CEP43: variants seen among roughly 807,000 people sequenced by gnomAD.
The protein encoded by CEP43 is FGFR1 oncogene partner.
Under a neutral mutation model 52.6 loss-of-function variants are expected in CEP43, and 36 were observed. That is an observed-to-expected ratio of 0.68 (90% confidence interval 0.52 to 0.90). The LOEUF is 0.90. CEP43 is among the 40% of genes least tolerant of loss of function. The pLI is 0.00. For synonymous variants in CEP43, 192 were observed against 172.4 expected (o/e 1.11, Z -0.89); for missense variants, 506 against 472.8 (o/e 1.07, Z -0.65).
Position 167,049,660 on chromosome 6 carries a change from G to C in CEP43, c.*9682G>C, listed in dbSNP as rs1297574068. The stretch of plus-strand genomic sequence containing the variant: ...ACTTTTTCTGCTGTTGTGAATAACA[G>C]TGCTAAGCACATTCATATGCAGTGT... On this transcript the variant is annotated 3_prime_UTR_variant, in exon 13 of 13. Transcript: ENST00000366847. 1 of 152,228 alleles carries C rather than the reference G, an allele frequency of 6.6e-6. No individual in the cohort carries two copies. The highest frequency in any genetic ancestry group is 1.9e-4 in the East Asian group (1 of 5,200). The allele number at this position is 152,228 out of a possible 1,614,324, so 9.4% of individuals were successfully genotyped here.
At chr6:167,001,428 C>T (rs1028875649) in intron 2 of CEP43, among the ~76,000 whole-genome samples, 1 of 151,998 alleles carries the variant, frequency 6.6e-6, no homozygotes, top group Non-Finnish European at 1.5e-5. Flanking sequence ...TTTTTTCCTT[C>T]ACAACCTGGT....
rs115266379 is a variant in CEP43, at chr6:167,018,774, C to T, written c.580-3635C>T. Among the ~76,000 whole-genome samples the T allele has an allele frequency of 7.4e-3, 1,125 of 152,188 alleles. 12 individuals are homozygous for T. The highest frequency in any genetic ancestry group is 0.025 in the African/African-American group (1,053 of 41,496). ...CTTCATTTTGAATCTTCAACTTAGC[C>T]AAATCCAGGTGATACAAAACCCAAG... is the stretch of plus-strand genomic sequence containing the variant. On this transcript the variant is annotated intron_variant, in intron 7 of 12. Coordinates refer to ENST00000366847, the MANE Select transcript of CEP43 (RefSeq NM_007045.4).
Position 167,041,954 on chromosome 6 carries a change from G to C in CEP43, c.*1976G>C, listed in dbSNP as rs1780708007. 2.3e-6 allele frequency: 1 copy of C among 438,426 alleles called. No homozygotes were observed. The highest frequency in any genetic ancestry group is 3.1e-6 in the Non-Finnish European group (1 of 325,446). The allele number at this position is 438,426 out of a possible 1,614,324, so 27.2% of individuals were successfully genotyped here. A position where few individuals can be genotyped will look rare whatever the true frequency, so the allele number is the denominator to read the frequency against. Reference sequence around the variant, plus strand: ...TTCTCCTGCTTCAGCCTCCTGAGTAGCTGGGATTACAGGTGCACACCACCA... The same window carrying C: ...TTCTCCTGCTTCAGCCTCCTGAGTACCTGGGATTACAGGTGCACACCACCA... On this transcript the variant is annotated 3_prime_UTR_variant, in exon 13 of 13. Transcript: ENST00000366847.
chr6:167,019,674 G>A (rs140540445), intron 7 of CEP43, among the ~76,000 whole-genome samples: 219 of 152,276 alleles, frequency 1.4e-3, no homozygotes, highest in African/African-American at 5.2e-3. Flanking sequence ...AGTATGTGTT[G>A]TGTAATATAG....
Position 167,027,771 on chromosome 6 carries a change from A to G in CEP43, c.988+1156A>G, listed in dbSNP as rs1006851301. 2.9e-5 allele frequency: 17 copies of G among 591,120 alleles called. No individual in the cohort carries two copies. In the African/African-American group the frequency reaches 3.4e-4, roughly 12 times the overall value. 36.6% of individuals were successfully genotyped at this position (591,120 alleles called of 1,614,324 possible). A position where few individuals can be genotyped will look rare whatever the true frequency, so the allele number is the denominator to read the frequency against. ...TTTAAAGAGTAAATAGGATTTAAAT[A>G]TCTCTTCATATGTAAATTAAAGTAC... On this transcript the variant is annotated intron_variant, in intron 10 of 12. Coordinates refer to ENST00000366847, the MANE Select transcript of CEP43 (RefSeq NM_007045.4).
intron 8 of CEP43, among the ~76,000 whole-genome samples, chr6:167,023,096 G>A (rs924137769): frequency 6.6e-6 from 1 of 152,198 alleles, no homozygotes; most frequent in Non-Finnish European, 1.5e-5. Flanking sequence ...AAGAGCTAGA[G>A]GAGGTAAGGG....
intron 2 of CEP43, 55 bp downstream of exon 2, chr6:167,000,168 T>G: frequency 1.5e-6 from 2 of 1,343,786 alleles, no homozygotes; most frequent in Non-Finnish European, 2.1e-6. Context: ...TAATTTCTTA[T>G]TCATTAAAAA....
At chr6:167,030,401 C>T (rs1053395299) in intron 10 of CEP43, among the ~76,000 whole-genome samples, 72 of 152,322 alleles carry the variant, frequency 4.7e-4, no homozygotes, top group African/African-American at 1.7e-3. Flanking sequence ...ATCAGATTTC[C>T]ACTTCTCCTT....
At chr6:167,020,908 C>CAAAAAA (rs147460349) in intron 7 of CEP43, among the ~76,000 whole-genome samples, 1 of 79,052 alleles carries the variant, frequency 1.3e-5, no homozygotes, top group South Asian at 5.7e-4. Context: ...GACTCTGTCT[C>CAAAAAA]AAAAAAAAAA....
Position 167,010,835 on chromosome 6 carries a change from T to A in CEP43, c.461T>A (p.Val154Glu). 2 of 1,589,766 alleles carry A rather than the reference T, an allele frequency of 1.3e-6. No individual in the cohort carries two copies. Among genetic ancestry groups the A allele is most frequent in the Non-Finnish European group, 1.7e-6 (2 of 1,167,958 alleles). ...TAGGGTGCACTTGATCTATCTGATGTACATTCTCCACCAAAGTCACCAGAG... is the reference window on the plus strand; with the variant it reads ...TAGGGTGCACTTGATCTATCTGATGAACATTCTCCACCAAAGTCACCAGAG... The part of the protein sequence containing the change: ...TGEGALDLSD[V>E]HSPPKSPEGK... Residue 154 changes from valine to glutamate, a missense_variant, in exon 6 of 13, where the codon GTA becomes GAA. Coordinates refer to ENST00000366847, the MANE Select transcript of CEP43 (RefSeq NM_007045.4).
chr6:167,040,117 T>A lies in CEP43; in HGVS notation c.*139T>A. On this transcript the variant is annotated 3_prime_UTR_variant, in exon 13 of 13. Coordinates refer to ENST00000366847, the MANE Select transcript of CEP43 (RefSeq NM_007045.4). ...TTTCAAAAACACTGCAGATATTTTT[T>A]AAAAGTAATTTTCATTTTACTAAAC... 2 of 1,570,308 alleles carry A rather than the reference T, an allele frequency of 1.3e-6. No individual in the cohort carries two copies. The highest frequency in any genetic ancestry group is 1.7e-6 in the Non-Finnish European group (2 of 1,157,578).
chr6:167,040,139 A>G lies in CEP43; in HGVS notation c.*161A>G. ...TTTTAAAAGTAATTTTCATTTTACT[A>G]AACAAAATACTTCCTATTTGAGCCC... On this transcript the variant is annotated 3_prime_UTR_variant, in exon 13 of 13. Transcript: ENST00000366847. 1 of 1,547,704 alleles carries G rather than the reference A, an allele frequency of 6.5e-7. No homozygotes were observed. Among genetic ancestry groups the G allele is most frequent in the Non-Finnish European group, 8.7e-7 (1 of 1,147,876 alleles).
chr6:167,022,927 G>A (rs1344697054), intron 8 of CEP43, among the ~76,000 whole-genome samples: 2 of 152,166 alleles, frequency 1.3e-5, no homozygotes, highest in African/African-American at 4.8e-5. Flanking sequence ...CCCTCAGGAA[G>A]CTCATGCTCT....
At chr6:167,016,009 C>T (rs1002703268) in intron 7 of CEP43, among the ~76,000 whole-genome samples, 20 of 151,410 alleles carry the variant, frequency 1.3e-4, no homozygotes, top group African/African-American at 3.9e-4. Flanking sequence ...AAAGTATCAT[C>T]TGTGATAATT....
rs1780781722 is a variant in CEP43 at position 167,045,577 on chromosome 6, G to T, written c.*5599G>T. The T allele has an allele frequency of 6.6e-6, 1 of 151,800 alleles. No individual in the cohort carries two copies. The highest frequency in any genetic ancestry group is 6.6e-5 in the Admixed American group (1 of 15,256). The allele number at this position is 151,800 out of a possible 1,614,324, so 9.4% of individuals were successfully genotyped here. A position where few individuals can be genotyped will look rare whatever the true frequency, so the allele number is the denominator to read the frequency against. On this transcript the variant is annotated 3_prime_UTR_variant, in exon 13 of 13. Coordinates refer to ENST00000366847, the MANE Select transcript of CEP43 (RefSeq NM_007045.4). ...AAAACCCATCTCTACTAAAAATACA[G>T]AAAAAAAATGAGCTGGGTGCGATGG...
intron 7 of CEP43, among the ~76,000 whole-genome samples, chr6:167,015,609 C>A (rs925106106): frequency 6.6e-6 from 1 of 152,142 alleles, no homozygotes; most frequent in Non-Finnish European, 1.5e-5. Flanking sequence ...GCAGGAGGGC[C>A]TAGGGTACCG....
chr6:167,003,695 T>G, intron 3 of CEP43, 28 bp from the exon 4 acceptor site: 2 of 1,439,664 alleles, frequency 1.4e-6, no homozygotes, highest in Non-Finnish European at 1.9e-6. Flanking sequence ...GAAGATTTGC[T>G]TACTTACCTT....
chr6:167,031,441 T>A (rs1780469020), intron 10 of CEP43, among the ~76,000 whole-genome samples: 1 of 152,244 alleles, frequency 6.6e-6, no homozygotes. Context: ...GATACCATCT[T>A]AGTCATTGCT....
chr6:167,052,048 A>T lies in CEP43; in HGVS notation c.*12070A>T, dbSNP rs1209040634. On this transcript the variant is annotated 3_prime_UTR_variant, in exon 13 of 13. Transcript: ENST00000366847. ...TTTGCATTAAGTATTTTCTAGTTTA[A>T]CAACTTAATTTCTTAAATTATTTTT... 1 of 152,056 alleles carries T rather than the reference A, an allele frequency of 6.6e-6. No individual in the cohort carries two copies. Among genetic ancestry groups the T allele is most frequent in the African/African-American group, 2.4e-5 (1 of 41,434 alleles). 9.4% of individuals were successfully genotyped at this position (152,056 alleles called of 1,614,324 possible). A position where few individuals can be genotyped will look rare whatever the true frequency, so the allele number is the denominator to read the frequency against.
Sources: allele counts gnomAD v4.1 joint callset (sites outside exome capture counted in the v4.1 genomes callset), GRCh38; gene constraint gnomAD v4.1.1; transcripts MANE v1.5; gene names NCBI Gene and HGNC (gene_info 2026-07-23, HGNC 2026-07-21).